Variants in MYT1L observed in about 807,000 individuals in gnomAD.
MYT1L encodes myelin transcription factor 1 like, also known as myelin transcription factor 1-like protein.
MYT1L carries 12 observed loss-of-function variants against 126.7 expected under a neutral mutation model. The ratio of observed to expected loss-of-function variants is 0.09; its 90% CI spans 0.06 to 0.15. The LOEUF is 0.15. Ranked by LOEUF, MYT1L falls within the 10% of genes least tolerant of loss-of-function variation. The pLI, the probability that MYT1L is intolerant of heterozygous loss-of-function variation, is 1.00. For missense variants in MYT1L, 979 were observed against 1,585.2 expected (o/e 0.62, Z 6.49); for synonymous variants, 541 against 604.2 (o/e 0.90, Z 1.53).
intron 2 of MYT1L, among the ~76,000 whole-genome samples, chr2:2,214,463 A>G (rs1335935124): frequency 3.9e-5 from 6 of 152,178 alleles, no homozygotes; most frequent in Non-Finnish European, 7.4e-5. Context: ...AGGAAAGCTT[A>G]AAGGCAGATA....
At chr2:1,810,542 T>C (rs1038818462) in intron 21 of MYT1L, among the ~76,000 whole-genome samples, 1 of 152,188 alleles carries the variant, frequency 6.6e-6, no homozygotes, top group Non-Finnish European at 1.5e-5. Flanking sequence ...TGTCCGTAAG[T>C]GGTGTGATGA....
chr2:2,235,958 G>T (rs2149094767), intron 2 of MYT1L, among the ~76,000 whole-genome samples: 1 of 152,234 alleles, frequency 6.6e-6, no homozygotes, highest in East Asian at 1.9e-4. Context: ...CATTGCATCT[G>T]AATTTTTGAG....
intron 11 of MYT1L, among the ~76,000 whole-genome samples, chr2:1,913,811 C>T (rs1355956425): frequency 6.6e-6 from 1 of 152,152 alleles, no homozygotes; most frequent in Admixed American, 6.5e-5. Context: ...CTGAATCCTC[C>T]TGAGGTGGAG....
chr2:1,883,125 T>C (rs966670735), intron 18 of MYT1L, among the ~76,000 whole-genome samples: 2 of 152,186 alleles, frequency 1.3e-5, no homozygotes. Context: ...CAAGGTTCTT[T>C]TTCCTACAAG....
At chr2:1,830,298 C>T (rs2039962878) in intron 21 of MYT1L, among the ~76,000 whole-genome samples, 1 of 152,172 alleles carries the variant, frequency 6.6e-6, no homozygotes, top group African/African-American at 2.4e-5. Flanking sequence ...CCTCAATGTC[C>T]TGATCTTTAA....
chr2:1,862,105 CT>C (rs1434211101), intron 18 of MYT1L, among the ~76,000 whole-genome samples: 2 of 152,168 alleles, frequency 1.3e-5, no homozygotes, highest in Non-Finnish European at 2.9e-5. Context: ...GATTTTAAAA[CT>C]TTTTTGGGGT....
intron 21 of MYT1L, among the ~76,000 whole-genome samples, chr2:1,814,387 C>T (rs560817655): frequency 6.6e-6 from 1 of 152,336 alleles, no homozygotes; most frequent in South Asian, 2.1e-4. Context: ...GCGCAGCCTC[C>T]CGGGACGTGG....
At chr2:1,864,082 C>T (rs1421957112) in intron 18 of MYT1L, among the ~76,000 whole-genome samples, 1 of 152,190 alleles carries the variant, frequency 6.6e-6, no homozygotes, top group African/African-American at 2.4e-5. Context: ...GTTTTCTTCA[C>T]AGCCTGACAT....
intron 2 of MYT1L, among the ~76,000 whole-genome samples, chr2:2,267,726 C>T (rs1015974735): frequency 6.6e-6 from 1 of 152,044 alleles, no homozygotes; most frequent in Non-Finnish European, 1.5e-5. Context: ...GCTCAAGGAA[C>T]GCAGGGGCAT....
intron 18 of MYT1L, among the ~76,000 whole-genome samples, chr2:1,866,794 A>G (rs1258932872): frequency 1.9e-5 from 1 of 51,932 alleles, no homozygotes. Flanking sequence ...AGGGGGAGAG[A>G]GAGAGGCAGA....
chr2:1,994,680 T>G (rs902974027), intron 5 of MYT1L, among the ~76,000 whole-genome samples: 1 of 152,268 alleles, frequency 6.6e-6, no homozygotes, highest in Non-Finnish European at 1.5e-5. Flanking sequence ...ATAGGGCTGT[T>G]CTGAGACTAC....
At chr2:2,291,664 A>G (rs1355017562) in intron 1 of MYT1L, among the ~76,000 whole-genome samples, 1 of 152,200 alleles carries the variant, frequency 6.6e-6, no homozygotes, top group Non-Finnish European at 1.5e-5. Flanking sequence ...CTGTGTGGAA[A>G]GTCGGGTTCT....
intron 3 of MYT1L, among the ~76,000 whole-genome samples, chr2:2,075,901 C>G (rs1170333105): frequency 6.6e-6 from 1 of 152,228 alleles, no homozygotes; most frequent in African/African-American, 2.4e-5. Flanking sequence ...CTCTTCATCC[C>G]GGCTAAAAGC....
At chr2:2,142,327 C>T (rs2084118955) in intron 3 of MYT1L, among the ~76,000 whole-genome samples, 1 of 152,092 alleles carries the variant, frequency 6.6e-6, no homozygotes, top group African/African-American at 2.4e-5. Context: ...CATTCTTCCT[C>T]CTACCATCCT....
intron 2 of MYT1L, among the ~76,000 whole-genome samples, chr2:2,240,388 A>G (rs1425538290): frequency 6.6e-6 from 1 of 151,778 alleles, no homozygotes; most frequent in Non-Finnish European, 1.5e-5. Context: ...GGTAACACAG[A>G]CTCATTTTTA....
intron 22 of MYT1L, among the ~76,000 whole-genome samples, chr2:1,803,760 T>C (rs2035242766): frequency 2.0e-5 from 3 of 152,142 alleles, no homozygotes; most frequent in Admixed American, 2.0e-4. Context: ...CAGCATGCCA[T>C]TCCTTTGTAA....
intron 4 of MYT1L, among the ~76,000 whole-genome samples, chr2:2,052,861 T>C (rs1230101542): frequency 6.6e-6 from 1 of 152,216 alleles, no homozygotes; most frequent in Non-Finnish European, 1.5e-5. Flanking sequence ...GCAGCCACTA[T>C]TGAAAAGAGT....
chr2:2,189,740 G>A (rs1400111092), intron 2 of MYT1L, among the ~76,000 whole-genome samples: 1 of 152,104 alleles, frequency 6.6e-6, no homozygotes, highest in Non-Finnish European at 1.5e-5. Context: ...GAGAAGCAGC[G>A]TTCTCAGGAC....
intron 9 of MYT1L, among the ~76,000 whole-genome samples, chr2:1,933,035 G>C (rs747830593): frequency 2.6e-5 from 4 of 152,068 alleles, no homozygotes; most frequent in Non-Finnish European, 4.4e-5. Context: ...GGCTCACGGA[G>C]GACCTCTGAG....
Sources: gnomAD v4.1 joint callset for allele counts (sites outside exome capture counted in the v4.1 genomes callset) on GRCh38, gnomAD v4.1.1 for gene constraint, MANE v1.5 for transcripts, NCBI Gene and HGNC (gene_info 2026-07-23, HGNC 2026-07-21) for gene names.